Variants in GDA observed in about 807,000 individuals in gnomAD.
GDA encodes the protein guanine deaminase.
A neutral mutation model predicts 59.6 loss-of-function variants in GDA; 18 were observed. The observed-to-expected ratio is 0.30, with a 90% CI of 0.21 to 0.45. GDA has a LOEUF of 0.45. Ranked by LOEUF, GDA falls within the 20% of genes least tolerant of loss-of-function variation. The pLI, the probability that GDA is intolerant of heterozygous loss-of-function variation, is 1.00. For missense variants in GDA, 427 were observed against 552.3 expected (o/e 0.77, Z 2.27); for synonymous variants, 201 against 201.1 (o/e 1.00, Z 0.00).
chr9:72,249,257 A>G lies in GDA; in HGVS notation c.*915A>G. ...CAAATGCTGGCATCCAGGAGCCGCC[A>G]ATACTAACAGGACAGGTTCCATTGC... On this transcript the variant is annotated 3_prime_UTR_variant, in exon 14 of 14. Coordinates refer to ENST00000358399, the MANE Select transcript of GDA (RefSeq NM_004293.5). The G allele has an allele frequency of 1.0e-6, 1 of 985,384 alleles. No homozygotes were observed. The highest frequency in any genetic ancestry group is 1.2e-6 in the Non-Finnish European group (1 of 829,892). The allele number at this position is 985,384 out of a possible 1,614,324, so 61.0% of individuals were successfully genotyped here.
intron 1 of GDA, among the ~76,000 whole-genome samples, chr9:72,129,220 C>T (rs111784898): frequency 0.12 from 17,929 of 152,156 alleles, 2,177 homozygotes; most frequent in African/African-American, 0.31. Context: ...GCCTTGGCCT[C>T]CCAAAGTGCT....
At chr9:72,173,687 T>C (rs1563937439) in intron 1 of GDA, among the ~76,000 whole-genome samples, 2 of 152,196 alleles carry the variant, frequency 1.3e-5, no homozygotes, top group African/African-American at 4.8e-5. Flanking sequence ...CCTGCTAATC[T>C]GAGATAATCT....
intron 2 of GDA, among the ~76,000 whole-genome samples, chr9:72,200,206 C>T (rs1277382891): frequency 6.6e-6 from 1 of 152,028 alleles, no homozygotes. Flanking sequence ...CCGTGTTAGC[C>T]AGGATGGTCT....
chr9:72,235,628 T>G (rs1025014854), intron 10 of GDA, among the ~76,000 whole-genome samples: 6 of 150,036 alleles, frequency 4.0e-5, no homozygotes, highest in African/African-American at 1.5e-4. Context: ...ACCCAGGAGG[T>G]GAAGGTTGCA....
At chr9:72,154,310 AT>A (rs1827628863) in intron 1 of GDA, among the ~76,000 whole-genome samples, 1 of 152,164 alleles carries the variant, frequency 6.6e-6, no homozygotes, top group Non-Finnish European at 1.5e-5. Context: ...GTAGAGTCAG[AT>A]TTCCTTTTGC....
chr9:72,245,124 T>G, intron 11 of GDA, 24 bp from the exon 12 acceptor site: 1 of 1,612,612 alleles, frequency 6.2e-7, no homozygotes, highest in Non-Finnish European at 8.5e-7. Context: ...CAATCCTGAC[T>G]GTTTATTCAC....
intron 10 of GDA, among the ~76,000 whole-genome samples, chr9:72,233,579 T>C (rs977743485): frequency 6.6e-6 from 1 of 152,186 alleles, no homozygotes; most frequent in Non-Finnish European, 1.5e-5. Context: ...AATATACGTC[T>C]ACATATGACC....
upstream of GDA, among the ~76,000 whole-genome samples, chr9:72,147,572 T>C (rs1005942386): frequency 1.3e-5 from 2 of 152,184 alleles, no homozygotes; most frequent in African/African-American, 4.8e-5. Flanking sequence ...AACTGTATAA[T>C]GTTCTATCAA....
chr9:72,247,311 C>A, intron 12 of GDA, 95 bp from the exon 13 acceptor site: 1 of 807,504 alleles, frequency 1.2e-6, no homozygotes, highest in African/African-American at 1.7e-5. Flanking sequence ...GAAACAAATT[C>A]GTATTTCTGG....
At position 72,241,310 on chromosome 9, in the gene GDA, T is replaced by TA. The variant is rs1260357382; in HGVS notation, c.1135+13dup. ...TGGAGGAAGCCAAGGTAATGACTCT[T>TA]ACATTTTTCTCTCACACAATATACA... On this transcript the variant is annotated intron_variant, in intron 11 of 13. Transcript: ENST00000358399. 1.3e-6 allele frequency: 2 copies of TA among 1,575,378 alleles called. No individual in the cohort carries two copies. Among genetic ancestry groups the TA allele is most frequent in the Non-Finnish European group, 1.7e-6 (2 of 1,150,794 alleles).
chr9:72,219,549 A>G (rs1836593994), intron 6 of GDA, 43 bp downstream of exon 6: 3 of 1,462,842 alleles, frequency 2.1e-6, no homozygotes, highest in African/African-American at 1.4e-5. Context: ...TTGCCTTTGC[A>G]TTAGCTGTAG....
At chr9:72,195,640 A>G (rs1174301177) in intron 2 of GDA, 52 bp downstream of exon 2, 4 of 691,670 alleles carry the variant, frequency 5.8e-6, no homozygotes, top group Admixed American at 5.1e-5. Context: ...AGCTTAAATT[A>G]TAGAAAACCT....
chr9:72,230,501 A>AATAT (rs58535811), intron 9 of GDA, among the ~76,000 whole-genome samples: 36 of 144,024 alleles, frequency 2.5e-4, no homozygotes, highest in African/African-American at 8.3e-4. Flanking sequence ...AAAAAAAAAA[A>AATAT]ATATATATAT....
chr9:72,116,126 C>T (rs1220067091), intron 1 of GDA, among the ~76,000 whole-genome samples: 3 of 151,532 alleles, frequency 2.0e-5, no homozygotes, highest in Non-Finnish European at 4.4e-5. Context: ...CCCAGCTACT[C>T]GGGAGGCTGA....
At chr9:72,146,927 T>C (rs1173934924), upstream of GDA, among the ~76,000 whole-genome samples, 1 of 152,208 alleles carries the variant, frequency 6.6e-6, no homozygotes, top group African/African-American at 2.4e-5. Context: ...TCAAAAGAGC[T>C]AAAATTTACC....
intron 1 of GDA, among the ~76,000 whole-genome samples, chr9:72,115,331 TGGTGCACA>T (rs1350156015): frequency 6.6e-6 from 1 of 152,216 alleles, no homozygotes; most frequent in Non-Finnish European, 1.5e-5. Flanking sequence ...TTCTTTTCTG[TGGTGCACA>T]GGTTACATTA....
intron 2 of GDA, among the ~76,000 whole-genome samples, chr9:72,198,355 C>T (rs1053902909): frequency 3.3e-5 from 5 of 151,640 alleles, no homozygotes; most frequent in Admixed American, 2.0e-4. Flanking sequence ...CTGGCTAACA[C>T]GGTGAAACCC....
At chr9:72,161,950 A>G (rs1296449199) in intron 1 of GDA, among the ~76,000 whole-genome samples, 1 of 152,240 alleles carries the variant, frequency 6.6e-6, no homozygotes, top group Non-Finnish European at 1.5e-5. Context: ...AAGATGCAAC[A>G]CAAGAAGTAA....
chr9:72,249,221 G>A lies in GDA; in HGVS notation c.*879G>A, dbSNP rs1337191673. 8.1e-6 allele frequency: 8 copies of A among 984,608 alleles called. No individual in the cohort carries two copies. The East Asian group carries it at 3.4e-4, about 42-fold the overall frequency. The allele number at this position is 984,608 out of a possible 1,614,324, so 61.0% of individuals were successfully genotyped here. The stretch of plus-strand genomic sequence containing the variant: ...GGAATTTATGTAGACTGGAGTCTTC[G>A]TGAACTGGGGCAAATGCTGGCATCC... On this transcript the variant is annotated 3_prime_UTR_variant, in exon 14 of 14. Coordinates refer to ENST00000358399, the MANE Select transcript of GDA (RefSeq NM_004293.5).
Sources: gnomAD v4.1 joint callset for allele counts (sites outside exome capture counted in the v4.1 genomes callset) on GRCh38, gnomAD v4.1.1 for gene constraint, MANE v1.5 for transcripts, NCBI Gene and HGNC (gene_info 2026-07-23, HGNC 2026-07-21) for gene names.